NEK10: variants seen among roughly 807,000 people sequenced by gnomAD.
NEK10 encodes the protein NIMA related kinase 10.
NEK10 carries 122 observed loss-of-function variants against 159.8 expected under a neutral mutation model. The ratio of observed to expected loss-of-function variants is 0.76; its 90% CI spans 0.66 to 0.89. NEK10 has a LOEUF of 0.89. Ranked by LOEUF, NEK10 falls within the 40% of genes least tolerant of loss-of-function variation. The pLI, the probability that NEK10 is intolerant of heterozygous loss-of-function variation, is 0.00. For synonymous variants in NEK10, 466 were observed against 457.1 expected, an observed-to-expected ratio of 1.02 and a Z score of -0.25; for missense variants, 1,342 against 1,323.1, an observed-to-expected ratio of 1.01 and a Z score of -0.22.
intron 13 of NEK10, among the ~76,000 whole-genome samples, chr3:27,301,079 C>T (rs7615940): frequency 0.041 from 6,242 of 152,190 alleles, 212 homozygotes; most frequent in African/African-American, 0.096. Flanking sequence ...TCTAGGGCAC[C>T]CAAATTGGCC....
Position 27,116,518 on chromosome 3 carries a change from G to A in NEK10, c.3191-391C>T, listed in dbSNP as rs370700283. ...TACAGGCTAAGAAGAATAAATATACGTTAGAAAGAAAATTGATTCTTACAG... is the reference window on the plus strand; with the variant it reads ...TACAGGCTAAGAAGAATAAATATACATTAGAAAGAAAATTGATTCTTACAG... On this transcript the variant is annotated intron_variant, in intron 33 of 35. Transcript: ENST00000691995. Among the ~76,000 whole-genome samples, 248 of 152,156 alleles carry A rather than the reference G, an allele frequency of 1.6e-3. 1 individual carries two copies. The highest frequency in any genetic ancestry group is 5.6e-3 in the African/African-American group (232 of 41,506).
chr3:27,151,018 C>T (rs1004238170), intron 30 of NEK10, among the ~76,000 whole-genome samples: 3 of 152,154 alleles, frequency 2.0e-5, no homozygotes, highest in African/African-American at 7.2e-5. Context: ...CAAGGAGAGT[C>T]TGAGCTCTGG....
At chr3:27,254,838 G>A (rs529732058) in intron 23 of NEK10, among the ~76,000 whole-genome samples, 16 of 152,054 alleles carry the variant, frequency 1.1e-4, no homozygotes, top group Admixed American at 5.9e-4. Context: ...ATGTGAAGCC[G>A]TGTTTGCGCT....
At chr3:27,358,048 A>G (rs1285247414) in intron 1 of NEK10, among the ~76,000 whole-genome samples, 1 of 152,234 alleles carries the variant, frequency 6.6e-6, no homozygotes, top group Non-Finnish European at 1.5e-5. Flanking sequence ...TATTCTACCA[A>G]TGAGATTAGG....
rs775814023 is a variant in NEK10 at position 27,290,681 on chromosome 3, T to C, written c.1679A>G (p.Asp560Gly). ...TACGCTGCTGTCTCGATCTTTCTTA[T>C]CCTTTCCAAATGCTGGGTTATGTAA... ...VNLHNPAFGKDKKDRDSSVRN... is the reference protein window; with the variant it reads ...VNLHNPAFGKGKKDRDSSVRN... The change falls in exon 19 of 36, where the codon GAT (aspartate) becomes GGT (glycine). Residue 560 changes from aspartate to glycine, a missense_variant. Asp to Gly is a moderately conservative substitution (Grantham distance 94). Transcript: ENST00000691995. The C allele has an allele frequency of 2.5e-6, 4 of 1,609,042 alleles. No individual in the cohort carries two copies. Among genetic ancestry groups the C allele is most frequent in the African/African-American group, 1.3e-5 (1 of 74,832 alleles).
chr3:27,232,047 A>G (rs1168307518), intron 23 of NEK10, among the ~76,000 whole-genome samples: 1 of 151,964 alleles, frequency 6.6e-6, no homozygotes, highest in Non-Finnish European at 1.5e-5. Flanking sequence ...AGAAAACTAC[A>G]GATTAATAAC....
intron 35 of NEK10, among the ~76,000 whole-genome samples, chr3:27,112,709 T>C (rs1470994124): frequency 2.6e-5 from 4 of 152,180 alleles, no homozygotes; most frequent in Non-Finnish European, 5.9e-5. Flanking sequence ...GTCAACATTC[T>C]CCAAATATAA....
intron 25 of NEK10, among the ~76,000 whole-genome samples, chr3:27,196,244 C>A (rs1035595500): frequency 1.3e-5 from 2 of 152,180 alleles, no homozygotes; most frequent in Non-Finnish European, 2.9e-5. Context: ...GTCAAGTACC[C>A]CCTGCCTGCT....
At chr3:27,306,723 T>G (rs974843252) in intron 11 of NEK10, among the ~76,000 whole-genome samples, 1 of 152,186 alleles carries the variant, frequency 6.6e-6, no homozygotes, top group Non-Finnish European at 1.5e-5. Context: ...GCAGATCACA[T>G]GAGTTAATAA....
chr3:27,298,059 G>A (rs2638894), intron 13 of NEK10, among the ~76,000 whole-genome samples: 3 of 152,112 alleles, frequency 2.0e-5, no homozygotes, highest in Admixed American at 1.3e-4. Flanking sequence ...AGGCCATATA[G>A]CCATCAATGA....
chr3:27,284,055 G>A (rs1282679291), intron 22 of NEK10, among the ~76,000 whole-genome samples: 1 of 152,084 alleles, frequency 6.6e-6, no homozygotes, highest in Non-Finnish European at 1.5e-5. Flanking sequence ...GTCCAACATG[G>A]TAGCCACTTA....
chr3:27,132,550 A>C (rs1452649936), intron 31 of NEK10, among the ~76,000 whole-genome samples: 1 of 152,184 alleles, frequency 6.6e-6, no homozygotes, highest in African/African-American at 2.4e-5. Context: ...ATATATTAAG[A>C]CCAGACTAGG....
At position 27,201,586 on chromosome 3, in the gene NEK10, A is replaced by G; in HGVS notation, c.2221-6T>C. On this transcript the variant is annotated splice_region_variant and splice_polypyrimidine_tract_variant and intron_variant, in intron 24 of 35. Coordinates refer to ENST00000691995, the MANE Select transcript of NEK10 (RefSeq NM_001394966.1). The stretch of plus-strand genomic sequence containing the variant: ...TCATATACCGCCTCCACTATCTGCA[A>G]AACAAACAGACTAGAGTGATGGAAG... The G allele has an allele frequency of 6.2e-7, 1 of 1,611,956 alleles. No individual in the cohort carries two copies. The highest frequency in any genetic ancestry group is 8.5e-7 in the Non-Finnish European group (1 of 1,178,168).
At chr3:27,160,471 G>T (rs1389521844) in intron 30 of NEK10, among the ~76,000 whole-genome samples, 1 of 152,194 alleles carries the variant, frequency 6.6e-6, no homozygotes, top group Admixed American at 6.5e-5. Flanking sequence ...TATGAAGGTT[G>T]AGAAAAATAA....
chr3:27,206,957 T>G (rs1378655349), intron 23 of NEK10, among the ~76,000 whole-genome samples: 3 of 152,148 alleles, frequency 2.0e-5, no homozygotes, highest in African/African-American at 7.2e-5. Flanking sequence ...CATTTCTATT[T>G]ATTTTTCTAC....
At chr3:27,115,718 C>T (rs911001851) in intron 35 of NEK10, among the ~76,000 whole-genome samples, 9 of 152,192 alleles carry the variant, frequency 5.9e-5, no homozygotes, top group Middle Eastern at 3.4e-3. Flanking sequence ...AAGCAATCAC[C>T]CTTTTTGTTT....
intron 32 of NEK10, 25 bp downstream of exon 32, chr3:27,131,855 A>T (rs755236772): frequency 1.5e-6 from 2 of 1,319,194 alleles, no homozygotes; most frequent in South Asian, 2.5e-5. Context: ...TCAGCAAAAG[A>T]ATTCCTATAT....
At chr3:27,308,167 A>G (rs2044389034) in intron 10 of NEK10, among the ~76,000 whole-genome samples, 1 of 152,210 alleles carries the variant, frequency 6.6e-6, no homozygotes, top group African/African-American at 2.4e-5. Context: ...ACAAGGCAGC[A>G]GGAAGGATAA....
intron 1 of NEK10, among the ~76,000 whole-genome samples, chr3:27,366,942 C>T (rs928739774): frequency 4.6e-5 from 7 of 151,676 alleles, no homozygotes; most frequent in South Asian, 2.1e-4. Flanking sequence ...TCCCAAGTAG[C>T]GGGGATTACA....
Sources: gnomAD v4.1 joint callset for allele counts (sites outside exome capture counted in the v4.1 genomes callset) on GRCh38, gnomAD v4.1.1 for gene constraint, MANE v1.5 for transcripts, NCBI Gene and HGNC (gene_info 2026-07-23, HGNC 2026-07-21) for gene names.